Variants in PHLPP1 observed in about 807,000 individuals in gnomAD.
PHLPP1 encodes PH domain leucine-rich repeat-containing protein phosphatase 1.
Under a neutral mutation model 117.2 loss-of-function variants are expected in PHLPP1, and 42 were observed. The observed-to-expected ratio is 0.36, with a 90% CI of 0.28 to 0.46. PHLPP1 has a LOEUF of 0.46. PHLPP1 is among the 20% of genes least tolerant of loss of function. The probability of loss-of-function intolerance (pLI) is 1.00; values close to 1 mark genes in which losing one functional copy is unlikely to be tolerated. For missense variants in PHLPP1, 2,084 were observed against 2,241.9 expected (o/e 0.93, Z 1.42); for synonymous variants, 1,042 against 970.7 (o/e 1.07, Z -1.37).
intron 1 of PHLPP1, among the ~76,000 whole-genome samples, chr18:62,815,951 C>A (rs965540609): frequency 6.6e-6 from 1 of 152,170 alleles, no homozygotes; most frequent in African/African-American, 2.4e-5. Context: ...TGTTAATACT[C>A]TATGGTAACC....
chr18:62,920,236 G>A (rs1265874570), intron 10 of PHLPP1, 122 bp downstream of exon 10: 2 of 994,918 alleles, frequency 2.0e-6, no homozygotes. Flanking sequence ...GATTTGTGAA[G>A]GAAATAGTTT....
chr18:62,819,600 AT>A (rs1477012669), intron 1 of PHLPP1, among the ~76,000 whole-genome samples: 1 of 152,182 alleles, frequency 6.6e-6, no homozygotes, highest in African/African-American at 2.4e-5. Context: ...AGATTATCAG[AT>A]TTAAAAAAAG....
chr18:62,748,668 A>G (rs1911751475), intron 1 of PHLPP1, among the ~76,000 whole-genome samples: 1 of 152,070 alleles, frequency 6.6e-6, no homozygotes, highest in African/African-American at 2.4e-5. Flanking sequence ...ATATGATGAT[A>G]GCTTTTTTGG....
chr18:62,864,005 A>ATTTG (rs1915702621), intron 4 of PHLPP1, among the ~76,000 whole-genome samples: 3 of 95,094 alleles, frequency 3.2e-5, no homozygotes, highest in African/African-American at 1.1e-4. Flanking sequence ...TTAAAAATTT[A>ATTTG]TTTGTTTATT....
At chr18:62,890,976 T>G (rs1916392287) in intron 4 of PHLPP1, among the ~76,000 whole-genome samples, 2 of 152,226 alleles carry the variant, frequency 1.3e-5, no homozygotes, top group Admixed American at 6.5e-5. Context: ...TCATCTGTGA[T>G]GCCTAGGATA....
chr18:62,978,403 T>C lies in PHLPP1; in HGVS notation c.4126T>C (p.Leu1376=). The change falls in exon 17 of 17, where the codon TTG becomes CTG. Residue 1376 remains leucine, a synonymous_variant. Transcript: ENST00000262719. The surrounding 1 kb of genome is among the most constrained non-coding windows in gnomAD (Gnocchi z 7.0). ...GTTCTTCATCCTAGGCAGTAAGGGG[T>C]TGTGGGACAGCCTGTCCGTCGAGGA... ...DEFFILGSKG[L]WDSLSVEEAV... The C allele has an allele frequency of 1.2e-6, 2 of 1,612,386 alleles. No individual in the cohort carries two copies. Among genetic ancestry groups the C allele is most frequent in the African/African-American group, 2.7e-5 (2 of 74,940 alleles).
chr18:62,771,647 A>G (rs1351587632), intron 1 of PHLPP1, among the ~76,000 whole-genome samples: 1 of 152,246 alleles, frequency 6.6e-6, no homozygotes, highest in Non-Finnish European at 1.5e-5. Context: ...TTGAGGGACC[A>G]GGAAGTGGGT....
intron 15 of PHLPP1, among the ~76,000 whole-genome samples, chr18:62,973,124 T>C (rs1259037046): frequency 6.6e-6 from 1 of 152,258 alleles, no homozygotes; most frequent in Non-Finnish European, 1.5e-5. Flanking sequence ...TATGAAATAC[T>C]ATCACTGGTT....
intron 10 of PHLPP1, among the ~76,000 whole-genome samples, chr18:62,921,810 C>T (rs564700961): frequency 6.6e-6 from 1 of 152,164 alleles, no homozygotes; most frequent in Admixed American, 6.5e-5. Flanking sequence ...AAGCCTACTG[C>T]TCAATGAATT....
Position 62,716,687 on chromosome 18 carries a change from C to A in PHLPP1, c.1004C>A (p.Ser335Tyr). 1.4e-6 allele frequency: 2 copies of A among 1,472,524 alleles called. No individual in the cohort carries two copies. The highest frequency in any genetic ancestry group is 1.8e-6 in the Non-Finnish European group (2 of 1,114,474). The allele number at this position is 1,472,524 out of a possible 1,614,324, so 91.2% of individuals were successfully genotyped here. ...GAGCCGTTCGTTGGGGGCCCTGTCT[C>A]TTCGCCCCGCGCCCCACGGCCTGTG... ...PGEPFVGGPV[S>Y]SPRAPRPVVS... Residue 335 changes from serine (S) to tyrosine (Y), a missense_variant, in exon 1 of 17, where the codon TCT becomes TAT. Ser to Tyr is a moderately radical substitution (Grantham distance 144, BLOSUM62 -2). Coordinates refer to ENST00000262719, the MANE Select transcript of PHLPP1 (RefSeq NM_194449.4). The surrounding 1 kb of genome is among the most constrained non-coding windows in gnomAD (Gnocchi z 5.7).
Position 62,925,306 on chromosome 18 carries a change from G to A in PHLPP1, c.2960+5192G>A, listed in dbSNP as rs144828014. 2.9e-3 allele frequency among the ~76,000 whole-genome samples: 445 copies of A among 152,238 alleles called. 1 individual carries two copies. Among genetic ancestry groups the A allele is most frequent in the Admixed American group, 4.6e-3 (70 of 15,290 alleles). ...TAAAGTCAGCCTAATTAACAAAGCC[G>A]AAAATGGACCCTTTAAAGGGGAGTT... On this transcript the variant is annotated intron_variant, in intron 10 of 16. Transcript: ENST00000262719.
At chr18:62,950,707 C>G (rs1910427719) in intron 12 of PHLPP1, among the ~76,000 whole-genome samples, 1 of 152,148 alleles carries the variant, frequency 6.6e-6, no homozygotes. Context: ...TATCCAAAAC[C>G]TGAAACCAGG....
intron 3 of PHLPP1, among the ~76,000 whole-genome samples, chr18:62,849,409 C>T (rs954589304): frequency 6.6e-6 from 1 of 152,070 alleles, no homozygotes; most frequent in East Asian, 1.9e-4. Context: ...GCCTGTAATC[C>T]CACCACTTTG....
At chr18:62,878,073 G>A (rs2144380742) in intron 4 of PHLPP1, among the ~76,000 whole-genome samples, 1 of 152,278 alleles carries the variant, frequency 6.6e-6, no homozygotes, top group East Asian at 1.9e-4. Flanking sequence ...CATTCTTTGA[G>A]CTCTGTGGAG....
chr18:62,871,229 A>G (rs537545615), intron 4 of PHLPP1, among the ~76,000 whole-genome samples: 1 of 152,350 alleles, frequency 6.6e-6, no homozygotes, highest in South Asian at 2.1e-4. Context: ...TTTTAATATG[A>G]TAGCAAAGCT....
chr18:62,939,599 C>T (rs550232506), intron 10 of PHLPP1, among the ~76,000 whole-genome samples: 26 of 151,242 alleles, frequency 1.7e-4, no homozygotes, highest in African/African-American at 4.1e-4. Flanking sequence ...TATAATTTCC[C>T]GTGACTATTT....
rs116347073 is a variant in PHLPP1, at chr18:62,767,992, C to T, written c.1576+50733C>T. ...ACTTAACTGTAGCAAAGAGAGTTGA[C>T]GTGAGGCTCAAGTCATCTTAGGGCT... On this transcript the variant is annotated intron_variant, in intron 1 of 16. Transcript: ENST00000262719. Among the ~76,000 whole-genome samples, 1,186 of 152,234 alleles carry T rather than the reference C, an allele frequency of 7.8e-3. 19 individuals are homozygous for T. The highest frequency in any genetic ancestry group is 0.027 in the African/African-American group (1,130 of 41,546).
intron 4 of PHLPP1, among the ~76,000 whole-genome samples, chr18:62,874,364 C>G (rs1031849154): frequency 6.6e-6 from 1 of 151,824 alleles, no homozygotes; most frequent in African/African-American, 2.4e-5. Context: ...ACAAACTTAG[C>G]CGGGCATGGT....
At chr18:62,784,963 ACTC>A (rs1250574129) in intron 1 of PHLPP1, among the ~76,000 whole-genome samples, 3 of 151,904 alleles carry the variant, frequency 2.0e-5, no homozygotes, top group Admixed American at 6.6e-5. Context: ...AATTTGAAAA[ACTC>A]CTTATTTATA....
Sources: allele counts gnomAD v4.1 joint callset (sites outside exome capture counted in the v4.1 genomes callset), GRCh38; gene constraint gnomAD v4.1.1; non-coding constraint Gnocchi (gnomAD v3.1); transcripts MANE v1.5; gene names NCBI Gene and HGNC (gene_info 2026-07-23, HGNC 2026-07-21).